The following AHCYL2 variants were observed in gnomAD, a reference collection of about 807,000 sequenced individuals.
The protein encoded by AHCYL2 is adenosylhomocysteinase like 2, also known as S-adenosylhomocysteine hydrolase-like protein 2.
In AHCYL2, 28 loss-of-function variants were observed where a neutral mutation model predicts 81.4. That is an observed-to-expected ratio of 0.34 (90% CI 0.25 to 0.47). The LOEUF is 0.47. AHCYL2 is among the 20% of genes least tolerant of loss of function. AHCYL2 has a pLI of 1.00. For missense variants in AHCYL2, 551 were observed against 785.1 expected (o/e 0.70, Z 3.56); for synonymous variants, 272 against 290.2 (o/e 0.94, Z 0.64).
At chr7:129,416,707 G>A (rs1796870152) in intron 12 of AHCYL2, among the ~76,000 whole-genome samples, 1 of 152,192 alleles carries the variant, frequency 6.6e-6, no homozygotes, top group African/African-American at 2.4e-5. Flanking sequence ...GGCTGAGGCA[G>A]AAGAATTGCT....
chr7:129,410,165 G>A (rs1372320873), intron 11 of AHCYL2: 3 of 1,606,444 alleles, frequency 1.9e-6, no homozygotes, highest in East Asian at 4.5e-5. Flanking sequence ...CTTGGGTTGG[G>A]GTTTATAACC....
intron 1 of AHCYL2, among the ~76,000 whole-genome samples, chr7:129,327,791 TTTA>T (rs905428162): frequency 8.6e-5 from 13 of 151,740 alleles, no homozygotes; most frequent in Admixed American, 1.3e-4. Flanking sequence ...AATATTTTAA[TTTA>T]TTATTATTAT....
chr7:129,401,616 G>T (rs193009672), intron 6 of AHCYL2, among the ~76,000 whole-genome samples: 1 of 152,282 alleles, frequency 6.6e-6, no homozygotes, highest in Non-Finnish European at 1.5e-5. Context: ...CTAAAGGGGT[G>T]GGGGAGCAGA....
In AHCYL2 at chr7:129,243,353, A is replaced by ATG. The variant is rs199955595; in HGVS notation, c.363+17924_363+17925dup. On this transcript the variant is annotated intron_variant, in intron 1 of 16. Transcript: ENST00000325006. ...TATTGTTTCTAATTCCTTATCAGATATGTGTGTGTGTTGAAAATATCTTTT... is the reference window on the plus strand; with the variant it reads ...TATTGTTTCTAATTCCTTATCAGATATGTGTGTGTGTGTTGAAAATATCTTTT... Among the ~76,000 whole-genome samples, 1,146 of 151,820 alleles carry ATG rather than the reference A, an allele frequency of 7.5e-3. 14 individuals are homozygous for ATG. The highest frequency in any genetic ancestry group is 0.026 in the African/African-American group (1,063 of 41,408).
chr7:129,225,577 A>G (rs1794182201), intron 1 of AHCYL2, 138 bp downstream of exon 1: 6 of 1,340,420 alleles, frequency 4.5e-6, no homozygotes, highest in East Asian at 3.1e-5. Context: ...CCTTAAACCC[A>G]CTCTCTCAGA....
intron 1 of AHCYL2, among the ~76,000 whole-genome samples, chr7:129,340,991 G>A (rs1793159790): frequency 1.3e-5 from 2 of 152,118 alleles, no homozygotes; most frequent in Admixed American, 1.3e-4. Context: ...TACTGCCCTT[G>A]TCTGGTTTTG....
intron 1 of AHCYL2, among the ~76,000 whole-genome samples, chr7:129,256,841 C>T (rs1320003779): frequency 6.6e-6 from 1 of 151,532 alleles, no homozygotes; most frequent in African/African-American, 2.4e-5. Context: ...AGGTTTTTAC[C>T]AGTTAACACT....
Position 129,225,040 on chromosome 7 carries a change from G to A in AHCYL2, c.-37G>A, listed in dbSNP as rs780822472. On this transcript the variant is annotated 5_prime_UTR_variant, in exon 1 of 17. Transcript: ENST00000325006. ...GAGGCGGGGCCGACCAAGAGCAGGA[G>A]CTGGAGTCTGAGCCGGTGGTTGCAG... The A allele has an allele frequency of 6.4e-7, 1 of 1,563,982 alleles. No individual in the cohort carries two copies. Among genetic ancestry groups the A allele is most frequent in the East Asian group, 2.4e-5 (1 of 42,228 alleles).
intron 4 of AHCYL2, among the ~76,000 whole-genome samples, chr7:129,391,756 C>A (rs2150909653): frequency 6.6e-6 from 1 of 152,308 alleles, no homozygotes; most frequent in East Asian, 1.9e-4. Flanking sequence ...TGGTCACATT[C>A]CTGATTAAGA....
At chr7:129,335,876 A>G (rs1332266574) in intron 1 of AHCYL2, among the ~76,000 whole-genome samples, 1 of 152,184 alleles carries the variant, frequency 6.6e-6, no homozygotes, top group African/African-American at 2.4e-5. Context: ...AGATACAAGC[A>G]TGCCCAGATT....
At chr7:129,236,985 TC>T (rs576855556) in intron 1 of AHCYL2, among the ~76,000 whole-genome samples, 44 of 152,338 alleles carry the variant, frequency 2.9e-4, no homozygotes, top group African/African-American at 1.0e-3. Context: ...ATTTTTTTTT[TC>T]ATGTTGGTTT....
At chr7:129,345,103 C>T (rs905818871) in intron 1 of AHCYL2, among the ~76,000 whole-genome samples, 3 of 151,926 alleles carry the variant, frequency 2.0e-5, no homozygotes, top group Admixed American at 6.6e-5. Context: ...TACAGTGAGC[C>T]GAGATCATGC....
At chr7:129,321,258 GCATT>G (rs1798003331) in intron 1 of AHCYL2, among the ~76,000 whole-genome samples, 1 of 152,132 alleles carries the variant, frequency 6.6e-6, no homozygotes, top group Non-Finnish European at 1.5e-5. Context: ...TAAGAAGAAA[GCATT>G]CAGTTTTTCA....
intron 1 of AHCYL2, among the ~76,000 whole-genome samples, chr7:129,327,698 C>T (rs539756987): frequency 2.4e-4 from 37 of 152,026 alleles, no homozygotes; most frequent in Non-Finnish European, 4.9e-4. Context: ...ACTTCTGACC[C>T]GGTGATCCAC....
At chr7:129,289,691 A>G (rs1796767195) in intron 1 of AHCYL2, among the ~76,000 whole-genome samples, 1 of 152,010 alleles carries the variant, frequency 6.6e-6, no homozygotes, top group Admixed American at 6.6e-5. Context: ...TTTTTTTGGT[A>G]TCATAAACTC....
intron 1 of AHCYL2, among the ~76,000 whole-genome samples, chr7:129,236,267 C>T (rs1328178184): frequency 6.6e-6 from 1 of 151,604 alleles, no homozygotes; most frequent in African/African-American, 2.4e-5. Context: ...GTGGTGTGAT[C>T]TCAGCTCACT....
intron 6 of AHCYL2, among the ~76,000 whole-genome samples, chr7:129,400,665 G>T (rs1795988681): frequency 6.6e-6 from 1 of 151,986 alleles, no homozygotes; most frequent in Admixed American, 6.6e-5. Context: ...ACATGTGGCT[G>T]GTTAAAAAAC....
At chr7:129,372,165 A>G (rs78566319) in intron 1 of AHCYL2, among the ~76,000 whole-genome samples, 2,939 of 152,336 alleles carry the variant, frequency 0.019, 35 homozygotes, top group Middle Eastern at 0.054. Context: ...AGAAATATTA[A>G]TATTTTAGAC....
At chr7:129,237,817 C>T (rs1184999276) in intron 1 of AHCYL2, among the ~76,000 whole-genome samples, 1 of 152,040 alleles carries the variant, frequency 6.6e-6, no homozygotes, top group Non-Finnish European at 1.5e-5. Context: ...CCTCCATCTC[C>T]CGGGTTCAAG....
Sources: allele counts gnomAD v4.1 joint callset (sites outside exome capture counted in the v4.1 genomes callset), GRCh38; gene constraint gnomAD v4.1.1; transcripts MANE v1.5; gene names NCBI Gene and HGNC (gene_info 2026-07-23, HGNC 2026-07-21).